LAMA1: variants seen among roughly 807,000 people sequenced by gnomAD.
LAMA1 encodes the protein laminin subunit alpha 1, also known as laminin subunit alpha-1.
A neutral mutation model predicts 348.7 loss-of-function variants in LAMA1; 219 were observed. The ratio of observed to expected loss-of-function variants is 0.63; its 90% CI spans 0.56 to 0.70. The LOEUF is 0.70. LAMA1 is among the 30% of genes least tolerant of loss of function. The probability of loss-of-function intolerance (pLI) is 0.00; values close to 1 mark genes in which losing one functional copy is unlikely to be tolerated. For missense variants in LAMA1, 3,744 were observed against 3,888.0 expected (o/e 0.96, Z 0.99); for synonymous variants, 1,487 against 1,491.0 (o/e 1.00, Z 0.06).
At chr18:6,979,096 T>C (rs1455136444) in intron 42 of LAMA1, among the ~76,000 whole-genome samples, 4 of 152,210 alleles carry the variant, frequency 2.6e-5, no homozygotes, top group Non-Finnish European at 5.9e-5. Context: ...CCTTTTTACT[T>C]TTCCTGAAAC....
chr18:7,093,553 G>A (rs1021830547), intron 1 of LAMA1, among the ~76,000 whole-genome samples: 1 of 152,170 alleles, frequency 6.6e-6, no homozygotes, highest in African/African-American at 2.4e-5. Context: ...TGCAAGCACA[G>A]CAAGTCCTGG....
At position 7,076,100 on chromosome 18, in the gene LAMA1, C is replaced by T. The variant is rs545018249; in HGVS notation, c.345+3875G>A. Among the ~76,000 whole-genome samples the T allele has an allele frequency of 3.9e-5, 6 of 152,128 alleles. No individual in the cohort carries two copies. The East Asian group carries it at 1.2e-3, about 29-fold the overall frequency. On this transcript the variant is annotated intron_variant, in intron 3 of 62. Transcript: ENST00000389658. ...GTAGAAGACAGCTGTGGTCCCATCCCTCATGGAGTATATAGTCTAGAAAAC... is the reference window on the plus strand; with the variant it reads ...GTAGAAGACAGCTGTGGTCCCATCCTTCATGGAGTATATAGTCTAGAAAAC...
chr18:6,953,112 G>A (rs2057557052), intron 57 of LAMA1, among the ~76,000 whole-genome samples: 2 of 148,130 alleles, frequency 1.4e-5, no homozygotes, highest in Non-Finnish European at 3.0e-5. Flanking sequence ...CACACCATAG[G>A]AGCCATGTCT....
intron 49 of LAMA1, 161 bp from the exon 50 acceptor site, chr18:6,965,593 G>A (rs1397752011): frequency 5.6e-6 from 4 of 713,518 alleles, no homozygotes; most frequent in Non-Finnish European, 7.2e-6. Context: ...AAATGCCCAC[G>A]AAGGCTTTCT....
chr18:7,001,367 A>G (rs1337232128), intron 30 of LAMA1, among the ~76,000 whole-genome samples: 3 of 152,202 alleles, frequency 2.0e-5, no homozygotes, highest in Non-Finnish European at 4.4e-5. Flanking sequence ...ATCCATCTTT[A>G]CACACACATG....
chr18:7,065,165 G>A (rs905606149), intron 3 of LAMA1, among the ~76,000 whole-genome samples: 6 of 150,688 alleles, frequency 4.0e-5, no homozygotes, highest in East Asian at 2.0e-4. Flanking sequence ...CTCGAGAGGC[G>A]GAGGTTGCAG....
chr18:7,079,968 C>G lies in LAMA1; in HGVS notation c.345+7G>C, dbSNP rs1223425541. On this transcript the variant is annotated splice_region_variant and intron_variant, in intron 3 of 62. Coordinates refer to ENST00000389658, the MANE Select transcript of LAMA1 (RefSeq NM_005559.4). ...AGACACTCTTCAATGGTTCTGGGCT[C>G]ACCTACCTGTCTTAAGTCCAGAGTG... is the stretch of plus-strand genomic sequence containing the variant. The G allele has an allele frequency of 1.9e-6, 3 of 1,598,582 alleles. No homozygotes were observed. The highest frequency in any genetic ancestry group is 2.6e-6 in the Non-Finnish European group (3 of 1,165,854).
chr18:7,052,310 A>G (rs2058065082), intron 3 of LAMA1, among the ~76,000 whole-genome samples: 2 of 152,056 alleles, frequency 1.3e-5, no homozygotes, highest in South Asian at 4.1e-4. Flanking sequence ...AGGCGCCTGT[A>G]GTCCCCACTA....
intron 3 of LAMA1, among the ~76,000 whole-genome samples, chr18:7,066,571 T>C (rs1014184465): frequency 6.6e-6 from 1 of 152,224 alleles, no homozygotes; most frequent in African/African-American, 2.4e-5. Context: ...AATTTACACA[T>C]GTGAAGATAA....
chr18:7,065,157 C>A (rs1224711776), intron 3 of LAMA1, among the ~76,000 whole-genome samples: 1 of 146,416 alleles, frequency 6.8e-6, no homozygotes, highest in African/African-American at 2.5e-5. Context: ...CACTTGAACT[C>A]GAGAGGCGGA....
intron 1 of LAMA1, among the ~76,000 whole-genome samples, chr18:7,107,185 C>G (rs2058315587): frequency 6.8e-6 from 1 of 146,192 alleles, no homozygotes; most frequent in South Asian, 2.1e-4. Flanking sequence ...GTGGCGTGAT[C>G]CTGGCTCACT....
At chr18:6,982,244 A>C (rs1431403770) in intron 41 of LAMA1, among the ~76,000 whole-genome samples, 2 of 152,338 alleles carry the variant, frequency 1.3e-5, no homozygotes, top group Non-Finnish European at 2.9e-5. Context: ...GATTATGGAC[A>C]GGTTAAAGAT....
chr18:6,963,541 C>T (rs560577488), intron 51 of LAMA1, among the ~76,000 whole-genome samples: 2 of 152,314 alleles, frequency 1.3e-5, no homozygotes, highest in Non-Finnish European at 2.9e-5. Context: ...GGAGAAGTGG[C>T]TCTCTCTACA....
chr18:6,967,167 A>G (rs879305829), intron 48 of LAMA1, among the ~76,000 whole-genome samples: 3 of 152,218 alleles, frequency 2.0e-5, no homozygotes, highest in Non-Finnish European at 2.9e-5. Context: ...AAAAGAAAAC[A>G]AAACAAAAAA....
chr18:7,089,075 T>G (rs1487568239), intron 1 of LAMA1, among the ~76,000 whole-genome samples: 1 of 151,756 alleles, frequency 6.6e-6, no homozygotes, highest in Non-Finnish European at 1.5e-5. Flanking sequence ...ATTGGGACCA[T>G]AAAGGTAAAG....
chr18:7,025,605 T>C (rs1272174977), intron 17 of LAMA1, among the ~76,000 whole-genome samples: 1 of 152,228 alleles, frequency 6.6e-6, no homozygotes, highest in Non-Finnish European at 1.5e-5. Context: ...TGCGTACATA[T>C]TTTGGTCATT....
intron 48 of LAMA1, 106 bp from the exon 49 acceptor site, chr18:6,966,403 G>T: frequency 2.1e-6 from 2 of 933,228 alleles, no homozygotes; most frequent in South Asian, 2.8e-5. Flanking sequence ...AGAGCTATTA[G>T]TTCCATACTT....
At position 7,085,410 on chromosome 18, in the gene LAMA1, C is replaced by CT. The variant is rs1431304246; in HGVS notation, c.62-4954dup. 1.0e-3 allele frequency among the ~76,000 whole-genome samples: 130 copies of CT among 128,234 alleles called. 2 individuals are homozygous for CT. The highest frequency in any genetic ancestry group is 3.9e-3 in the African/African-American group (127 of 32,630). The allele number at this position is 128,234 out of a possible 152,430, so 84.1% of individuals were successfully genotyped here. A position where few individuals can be genotyped will look rare whatever the true frequency, so the allele number is the denominator to read the frequency against. Reference sequence around the variant, plus strand: ...ATTTTACTCTTTTTTTCTTCTTCTTCTTCTTTTTTTTTTTTTTTTTTTTTT... The same window carrying CT: ...ATTTTACTCTTTTTTTCTTCTTCTTCTTTCTTTTTTTTTTTTTTTTTTTTTT... On this transcript the variant is annotated intron_variant, in intron 1 of 62. Coordinates refer to ENST00000389658, the MANE Select transcript of LAMA1 (RefSeq NM_005559.4).
chr18:7,036,263 A>G (rs988735342), intron 12 of LAMA1, among the ~76,000 whole-genome samples, 175 bp from the exon 13 acceptor site: 1 of 152,240 alleles, frequency 6.6e-6, no homozygotes, highest in Non-Finnish European at 1.5e-5. Context: ...TATATTCATA[A>G]ACATTTTGGT....
Sources: gnomAD v4.1 joint callset for allele counts (sites outside exome capture counted in the v4.1 genomes callset) on GRCh38, gnomAD v4.1.1 for gene constraint, MANE v1.5 for transcripts, NCBI Gene and HGNC (gene_info 2026-07-23, HGNC 2026-07-21) for gene names.